Variants in CLEC19A observed in about 807,000 individuals in gnomAD.
CLEC19A encodes the protein C-type lectin domain containing 19A.
In CLEC19A, 21 loss-of-function variants were observed where a neutral mutation model predicts 26.1. The observed-to-expected ratio is 0.80, with a 90% confidence interval of 0.57 to 1.16. CLEC19A has a LOEUF of 1.16. CLEC19A is among the 50% of genes most tolerant of loss of function. The pLI is 0.00. For synonymous variants in CLEC19A, 89 were observed against 88.6 expected (o/e 1.00, Z -0.03); for missense variants, 224 against 227.6 (o/e 0.98, Z 0.10).
chr16:19,302,705 T>C (rs1897862139), intron 2 of CLEC19A, among the ~76,000 whole-genome samples: 1 of 152,178 alleles, frequency 6.6e-6, no homozygotes, highest in South Asian at 2.1e-4. Flanking sequence ...CATTTGTCCA[T>C]TTGCTGTCAC....
At chr16:19,290,730 C>T (rs779870285) in intron 1 of CLEC19A, among the ~76,000 whole-genome samples, 2 of 152,170 alleles carry the variant, frequency 1.3e-5, no homozygotes, top group African/African-American at 2.4e-5. Context: ...GGCAAACAGC[C>T]AGTTTCTAAA....
At chr16:19,304,223 C>T in intron 3 of CLEC19A, 68 bp downstream of exon 3, 1 of 1,322,902 alleles carries the variant, frequency 7.6e-7, no homozygotes, top group Non-Finnish European at 1.1e-6. Context: ...ATTTAATAAG[C>T]TTTTCACATC....
Position 19,309,312 on chromosome 16 carries a change from C to A in CLEC19A, c.*229C>A. 2.3e-6 allele frequency: 1 copy of A among 434,560 alleles called. No individual in the cohort carries two copies. The highest frequency in any genetic ancestry group is 2.6e-5 in the South Asian group (1 of 39,174). 26.9% of individuals were successfully genotyped at this position (434,560 alleles called of 1,614,324 possible). ...AAAGTGTTTTTTTTTTTAAATTGAC[C>A]CAAGTAACAAAAATCCAGGGGTTGT... is the stretch of plus-strand genomic sequence containing the variant. On this transcript the variant is annotated 3_prime_UTR_variant, in exon 5 of 5. Coordinates refer to ENST00000636231, the MANE Select transcript of CLEC19A (RefSeq NM_001256720.2).
rs999613104 is a variant in CLEC19A at position 19,307,708 on chromosome 16, G to C, written c.481+31G>C. On this transcript the variant is annotated intron_variant, in intron 4 of 4. Transcript: ENST00000636231. ...TACCCCTGAGACCAAGGCTCTTGCA[G>C]GGGAGCCCAGGAGGTGTCACAGGTG... 5.2e-6 allele frequency: 8 copies of C among 1,546,830 alleles called. No homozygotes were observed. In the Admixed American group the frequency reaches 1.2e-4, roughly 23 times the overall value.
At chr16:19,303,865 G>A (rs1019861561) in intron 2 of CLEC19A, 197 bp from the exon 3 acceptor site, 10 of 542,464 alleles carry the variant, frequency 1.8e-5, no homozygotes, top group African/African-American at 1.5e-4. Context: ...TCTTTGAACT[G>A]GCATAGGTCA....
chr16:19,299,069 C>T (rs1897763798), intron 2 of CLEC19A, among the ~76,000 whole-genome samples: 1 of 152,182 alleles, frequency 6.6e-6, no homozygotes, highest in East Asian at 1.9e-4. Flanking sequence ...AAGTGCCTGG[C>T]CAATTGAAGC....
intron 1 of CLEC19A, among the ~76,000 whole-genome samples, chr16:19,288,550 C>T (rs539441844): frequency 1.3e-5 from 2 of 152,128 alleles, no homozygotes; most frequent in East Asian, 3.9e-4. Context: ...CTCAGCCACC[C>T]CCTATGTTTT....
At chr16:19,294,069 C>A (rs1286652706) in intron 1 of CLEC19A, among the ~76,000 whole-genome samples, 1 of 152,024 alleles carries the variant, frequency 6.6e-6, no homozygotes, top group Non-Finnish European at 1.5e-5. Context: ...CCACTAACTA[C>A]CCTTCCTGGC....
intron 1 of CLEC19A, among the ~76,000 whole-genome samples, chr16:19,295,426 C>T (rs962160400): frequency 6.6e-6 from 1 of 152,136 alleles, no homozygotes; most frequent in Middle Eastern, 3.2e-3. Context: ...TAGTCTTGAA[C>T]TCCTGGACTC....
intron 2 of CLEC19A, among the ~76,000 whole-genome samples, chr16:19,301,104 G>A (rs967104197): frequency 2.0e-5 from 3 of 152,202 alleles, no homozygotes; most frequent in Non-Finnish European, 4.4e-5. Flanking sequence ...TTCCTAGCCT[G>A]TAGAGGAAAA....
intron 1 of CLEC19A, among the ~76,000 whole-genome samples, chr16:19,294,951 C>T (rs1036406133): frequency 6.6e-5 from 10 of 152,220 alleles, no homozygotes; most frequent in South Asian, 4.2e-4. Flanking sequence ...ACTGACATTT[C>T]GGGTCGGATG....
chr16:19,298,666 C>T lies in CLEC19A; in HGVS notation c.89-7C>T, dbSNP rs1191875328. On this transcript the variant is annotated splice_region_variant and splice_polypyrimidine_tract_variant and intron_variant, in intron 1 of 4. Coordinates refer to ENST00000636231, the MANE Select transcript of CLEC19A (RefSeq NM_001256720.2). ...TTCCTCCCAGTCTGTTTCCTTTCTG[C>T]CCCCAGCCCTGCCAGAGCTGCCCCT... 2.8e-5 allele frequency: 44 copies of T among 1,550,292 alleles called. No homozygotes were observed. The highest frequency in any genetic ancestry group is 3.6e-5 in the Non-Finnish European group (41 of 1,146,842).
In CLEC19A at chr16:19,307,213, G is replaced by T. The variant is rs1468135379; in HGVS notation, c.349-332G>T. ...TCCCAGCACTAATGCTTTATTTGCTGTGTGAATTTGGGTAGACCAATCTGA... is the reference window on the plus strand; with the variant it reads ...TCCCAGCACTAATGCTTTATTTGCTTTGTGAATTTGGGTAGACCAATCTGA... On this transcript the variant is annotated intron_variant, in intron 3 of 4. Transcript: ENST00000636231. Among the ~76,000 whole-genome samples, 5 of 152,326 alleles carry T rather than the reference G, an allele frequency of 3.3e-5. No individual in the cohort carries two copies. In the East Asian group the frequency reaches 9.7e-4, roughly 29 times the overall value.
intron 1 of CLEC19A, among the ~76,000 whole-genome samples, chr16:19,296,719 A>G (rs1897712943): frequency 6.6e-6 from 1 of 152,184 alleles, no homozygotes; most frequent in African/African-American, 2.4e-5. Context: ...CTTGGCATAC[A>G]GGGAAACTAT....
rs1597088081 is a variant in CLEC19A, at chr16:19,304,071, G to A, written c.264G>A (p.Glu88=). 1.3e-6 allele frequency: 2 copies of A among 1,549,274 alleles called. No individual in the cohort carries two copies. Among genetic ancestry groups the A allele is most frequent in the Middle Eastern group, 3.3e-4 (2 of 5,990 alleles). The change falls in exon 3 of 5, where the codon GAG becomes GAA. Residue 88 remains glutamate, a synonymous_variant. Coordinates refer to ENST00000636231, the MANE Select transcript of CLEC19A (RefSeq NM_001256720.2). The stretch of plus-strand genomic sequence containing the variant: ...ATTCTTAAATTCGCAGCTGGGAGGA[G>A]AATGTCTTTGTATATGACCTCGTGA... The part of the protein sequence containing the change: ...AKLASIHSWE[E]NVFVYDLVNS...
At chr16:19,300,564 T>C (rs1469600713) in intron 2 of CLEC19A, among the ~76,000 whole-genome samples, 2 of 140,352 alleles carry the variant, frequency 1.4e-5, no homozygotes, top group South Asian at 4.5e-4. Flanking sequence ...AAAAAAAAAA[T>C]AGAGAAGGAG....
Position 19,304,064 on chromosome 16 carries a change from G to A in CLEC19A, c.257G>A (p.Trp86Ter). Residue 86 changes from tryptophan to a stop codon, truncating the protein, a stop_gained and splice_region_variant, in exon 3 of 5, where the codon TGG becomes TAG. Transcript: ENST00000636231. LOFTEE classifies it high-confidence loss of function. ...KSAKLASIHSWEENVFVYDLV... is the reference protein window; with the variant it reads ...KSAKLASIHS The stretch of plus-strand genomic sequence containing the variant: ...TACTATTATTCTTAAATTCGCAGCT[G>A]GGAGGAGAATGTCTTTGTATATGAC... 1 of 1,548,478 alleles carries A rather than the reference G, an allele frequency of 6.5e-7. No individual in the cohort carries two copies. The highest frequency in any genetic ancestry group is 8.7e-7 in the Non-Finnish European group (1 of 1,145,400).
intron 1 of CLEC19A, among the ~76,000 whole-genome samples, chr16:19,292,943 G>C (rs1897620598): frequency 6.6e-6 from 1 of 152,170 alleles, no homozygotes; most frequent in Non-Finnish European, 1.5e-5. Context: ...GTTCCAAGGA[G>C]GAAGAATGCC....
At chr16:19,307,714 C>T in intron 4 of CLEC19A, 37 bp downstream of exon 4, 2 of 1,545,402 alleles carry the variant, frequency 1.3e-6, no homozygotes, top group Non-Finnish European at 1.7e-6. Flanking sequence ...TGCAGGGGAG[C>T]CCAGGAGGTG....
Sources: gnomAD v4.1 joint callset for allele counts (sites outside exome capture counted in the v4.1 genomes callset) on GRCh38, gnomAD v4.1.1 for gene constraint, MANE v1.5 for transcripts, NCBI Gene and HGNC (gene_info 2026-07-23, HGNC 2026-07-21) for gene names.